The following PDZD9 variants were observed in gnomAD, a reference collection of about 807,000 sequenced individuals.
The protein encoded by PDZD9 is PDZ domain-containing protein 9.
A neutral mutation model predicts 16.3 loss-of-function variants in PDZD9; 13 were observed. The observed-to-expected ratio is 0.80, with a 90% CI of 0.52 to 1.27. PDZD9 has a LOEUF of 1.27. PDZD9 is among the 50% of genes most tolerant of loss of function. The pLI is 0.00. For synonymous variants in PDZD9, 120 were observed against 111.0 expected, an observed-to-expected ratio of 1.08 and a Z score of -0.51; for missense variants, 288 against 310.9, an observed-to-expected ratio of 0.93 and a Z score of 0.55.
the PDZD9 span, among the ~76,000 whole-genome samples, chr16:21,971,087 T>G: frequency 1.3e-5 from 2 of 152,196 alleles, no homozygotes; most frequent in South Asian, 2.1e-4. Flanking sequence ...AATGTTGTTT[T>G]AAGAGCTAAC....
At chr16:21,980,449 T>C, downstream of PDZD9, 1 of 1,316,018 alleles carries the variant, frequency 7.6e-7, no homozygotes, top group Non-Finnish European at 1.0e-6. Context: ...CTCTATCCAT[T>C]AAATAAAGCT....
downstream of PDZD9, chr16:21,983,181 A>C (rs1898777919): frequency 6.2e-7 from 1 of 1,612,092 alleles, no homozygotes; most frequent in African/African-American, 1.3e-5. Context: ...ATACTGATGC[A>C]CACATTACAG....
rs2046563071 is a variant in PDZD9, at chr16:21,996,514, G to A, written c.32-13C>T. 1 of 1,529,330 alleles carries A rather than the reference G, an allele frequency of 6.5e-7. No individual in the cohort carries two copies. The highest frequency in any genetic ancestry group is 2.0e-5 in the Admixed American group (1 of 50,810). The allele number at this position is 1,529,330 out of a possible 1,614,324, so 94.7% of individuals were successfully genotyped here. On this transcript the variant is annotated splice_polypyrimidine_tract_variant and intron_variant, in intron 1 of 3. Transcript: ENST00000424898. ...CTGACTCCTCTTTCTAACCAAAAGA[G>A]GGGAACTTATTTCAGTCCTTCACCA... is the stretch of plus-strand genomic sequence containing the variant.
chr16:21,980,511 G>C, downstream of PDZD9: 2 of 1,593,910 alleles, frequency 1.3e-6, no homozygotes, highest in East Asian at 2.2e-5. Context: ...TAATTGCCTT[G>C]CTCTCTAAAA....
At chr16:21,974,565 A>T in the PDZD9 span, among the ~76,000 whole-genome samples, 6 of 152,202 alleles carry the variant, frequency 3.9e-5, no homozygotes, top group African/African-American at 1.4e-4. Context: ...TGATCTTAAC[A>T]GTTTTGACTA....
chr16:21,983,304 A>G (rs1898782997), downstream of PDZD9: 1 of 708,062 alleles, frequency 1.4e-6, no homozygotes, highest in South Asian at 2.1e-5. Context: ...AAATGCAGGT[A>G]ATTATTCCCA....
the PDZD9 span, chr16:21,971,538 T>C: frequency 6.2e-7 from 1 of 1,613,920 alleles, no homozygotes; most frequent in East Asian, 2.2e-5. Context: ...TGAGTCATCC[T>C]GTTCTAAAGC....
the PDZD9 span, chr16:21,971,765 T>C: frequency 7.6e-7 from 1 of 1,319,998 alleles, no homozygotes; most frequent in Non-Finnish European, 1.1e-6. Context: ...ATTTTGAGCA[T>C]ATGTTTTGTG....
intron 3 of PDZD9, among the ~76,000 whole-genome samples, chr16:21,986,874 C>A (rs1310910931): frequency 6.6e-6 from 1 of 152,092 alleles, no homozygotes. Flanking sequence ...AGCAAAGTTA[C>A]AAACATGTTG....
At chr16:21,976,659 T>G in the PDZD9 span, 1 of 155,228 alleles carries the variant, frequency 6.4e-6, no homozygotes, top group Non-Finnish European at 1.4e-5. Flanking sequence ...AATGCGCATA[T>G]CGAAAATGCA....
chr16:21,971,646 A>G, the PDZD9 span: 3 of 1,604,776 alleles, frequency 1.9e-6, no homozygotes, highest in East Asian at 2.2e-5. Flanking sequence ...TATTAGGGTT[A>G]ATTTATCAGA....
the PDZD9 span, chr16:21,962,688 T>G: frequency 1.2e-5 from 19 of 1,606,868 alleles, no homozygotes; most frequent in Non-Finnish European, 1.4e-5. Flanking sequence ...TTGAGAGCAT[T>G]ACAGCTATGT....
chr16:21,977,496 T>C, the PDZD9 span, among the ~76,000 whole-genome samples: 289 of 152,294 alleles, frequency 1.9e-3, no homozygotes, highest in Non-Finnish European at 3.0e-3. Flanking sequence ...GATCTGATTT[T>C]GTTTTGTTTT....
At chr16:21,976,086 TGCCTCAGTAAAG>T in the PDZD9 span, 1 of 889,050 alleles carries the variant, frequency 1.1e-6, no homozygotes, top group Middle Eastern at 2.2e-4. Context: ...TCTGTGTTTT[TGCCTCAGTAAAG>T]AAGTGTGTCA....
chr16:21,972,383 T>C, the PDZD9 span, among the ~76,000 whole-genome samples: 3 of 152,192 alleles, frequency 2.0e-5, no homozygotes, highest in African/African-American at 7.2e-5. Context: ...ACACATCCGT[T>C]CCCTTTAGAA....
downstream of PDZD9, among the ~76,000 whole-genome samples, chr16:21,981,096 C>T (rs1458286860): frequency 6.6e-6 from 1 of 152,150 alleles, no homozygotes; most frequent in Non-Finnish European, 1.5e-5. Context: ...TCATATGATC[C>T]AACCTAAATA....
the PDZD9 span, among the ~76,000 whole-genome samples, chr16:21,965,164 GTT>G: frequency 6.6e-6 from 1 of 152,178 alleles, no homozygotes; most frequent in African/African-American, 2.4e-5. Context: ...TAGAAAAGTG[GTT>G]TAGGTGGACT....
At chr16:21,967,605 G>A in the PDZD9 span, among the ~76,000 whole-genome samples, 32 of 152,260 alleles carry the variant, frequency 2.1e-4, no homozygotes, top group Middle Eastern at 0.014. Context: ...CTGAGTGGTT[G>A]ATTGGATGGA....
intron 1 of PDZD9, among the ~76,000 whole-genome samples, chr16:22,000,040 C>CA (rs781141020): frequency 0.011 from 1,454 of 131,818 alleles, 8 homozygotes; most frequent in African/African-American, 0.014. Context: ...GACTCTGTCT[C>CA]AAAAAAAAAA....
Sources: gnomAD v4.1 joint callset for allele counts (sites outside exome capture counted in the v4.1 genomes callset) on GRCh38, gnomAD v4.1.1 for gene constraint, MANE v1.5 for transcripts, NCBI Gene and HGNC (gene_info 2026-07-23, HGNC 2026-07-21) for gene names.